The following CCSER1 variants were observed in gnomAD, a reference collection of about 807,000 sequenced individuals.
CCSER1 encodes the protein serine-rich coiled-coil domain-containing protein 1.
A neutral mutation model predicts 82.0 loss-of-function variants in CCSER1; 41 were observed. The ratio of observed to expected loss-of-function variants is 0.50; its 90% CI spans 0.39 to 0.65. The LOEUF is 0.65. CCSER1 is among the 30% of genes least tolerant of loss of function. The pLI is 0.00. For synonymous variants in CCSER1, 414 were observed against 383.9 expected (o/e 1.08, Z -0.92); for missense variants, 1,119 against 1,064.2 (o/e 1.05, Z -0.72).
chr4:91,290,958 G>T (rs115988738), intron 10 of CCSER1, among the ~76,000 whole-genome samples: 2,304 of 151,686 alleles, frequency 0.015, 61 homozygotes, highest in African/African-American at 0.053. Flanking sequence ...GAGCTAACTA[G>T]TAAATTAAGT....
intron 6 of CCSER1, among the ~76,000 whole-genome samples, chr4:90,689,468 T>C (rs75338470): frequency 1.3e-5 from 2 of 152,178 alleles, no homozygotes; most frequent in Non-Finnish European, 2.9e-5. Flanking sequence ...CTCGTTGATA[T>C]AGATAAAATT....
chr4:91,257,346 T>C (rs561421908), intron 10 of CCSER1, among the ~76,000 whole-genome samples: 2 of 152,238 alleles, frequency 1.3e-5, no homozygotes, highest in Admixed American at 6.5e-5. Flanking sequence ...GTTCAGACAG[T>C]AATTAATCCT....
At chr4:90,890,043 T>C (rs1722736075) in intron 8 of CCSER1, among the ~76,000 whole-genome samples, 1 of 152,144 alleles carries the variant, frequency 6.6e-6, no homozygotes, top group Admixed American at 6.6e-5. Context: ...TTTTGTTGAA[T>C]AGCAAAAATC....
intron 1 of CCSER1, among the ~76,000 whole-genome samples, chr4:90,305,663 T>G (rs75045627): frequency 0.032 from 4,807 of 152,286 alleles, 198 homozygotes; most frequent in African/African-American, 0.096. Flanking sequence ...TTTTGGAGTG[T>G]TTCACATATA....
At chr4:91,443,259 G>C (rs973117478) in intron 10 of CCSER1, among the ~76,000 whole-genome samples, 2 of 152,078 alleles carry the variant, frequency 1.3e-5, no homozygotes, top group African/African-American at 4.8e-5. Context: ...TTAAGAAAAT[G>C]TGGCACATAT....
intron 9 of CCSER1, among the ~76,000 whole-genome samples, chr4:90,972,283 A>G (rs1027952467): frequency 4.6e-5 from 7 of 151,904 alleles, no homozygotes; most frequent in Non-Finnish European, 1.0e-4. Context: ...AATTCAATAA[A>G]GTAACAGGAT....
At chr4:90,984,842 T>G (rs958698552) in intron 9 of CCSER1, among the ~76,000 whole-genome samples, 1 of 151,844 alleles carries the variant, frequency 6.6e-6, no homozygotes, top group Non-Finnish European at 1.5e-5. Context: ...TCAGACTTAG[T>G]ATCTTAGTGA....
At chr4:91,384,755 C>T (rs1439089690) in intron 10 of CCSER1, among the ~76,000 whole-genome samples, 1 of 151,852 alleles carries the variant, frequency 6.6e-6, no homozygotes, top group Non-Finnish European at 1.5e-5. Flanking sequence ...ACAAAGTGCA[C>T]CGTAGGCAAA....
intron 10 of CCSER1, among the ~76,000 whole-genome samples, chr4:91,119,054 C>T (rs1426154645): frequency 6.6e-6 from 1 of 152,276 alleles, no homozygotes; most frequent in Non-Finnish European, 1.5e-5. Flanking sequence ...AAGTTGCAAT[C>T]TGCAGTTTTG....
intron 10 of CCSER1, among the ~76,000 whole-genome samples, chr4:91,105,623 G>T (rs1725537025): frequency 6.6e-6 from 1 of 152,122 alleles, no homozygotes; most frequent in Non-Finnish European, 1.5e-5. Flanking sequence ...GGAATCGCTT[G>T]AACCTGGGAG....
At chr4:90,515,050 G>A (rs1218258382) in intron 5 of CCSER1, among the ~76,000 whole-genome samples, 1 of 151,846 alleles carries the variant, frequency 6.6e-6, no homozygotes, top group Non-Finnish European at 1.5e-5. Flanking sequence ...TAGAGATGGG[G>A]TTTCACCATG....
chr4:91,348,930 A>T (rs542408864), intron 10 of CCSER1, among the ~76,000 whole-genome samples: 94 of 152,056 alleles, frequency 6.2e-4, no homozygotes, highest in Middle Eastern at 3.4e-3. Context: ...TATTTTTGAG[A>T]CGGAGTCTCA....
intron 3 of CCSER1, among the ~76,000 whole-genome samples, chr4:90,336,072 CAT>C (rs1199943516): frequency 2.0e-5 from 3 of 152,288 alleles, no homozygotes; most frequent in Middle Eastern, 3.4e-3. Flanking sequence ...GCATAAATCA[CAT>C]GTCTGAAAAC....
At chr4:90,463,885 A>C (rs1763289384) in intron 4 of CCSER1, among the ~76,000 whole-genome samples, 1 of 152,254 alleles carries the variant, frequency 6.6e-6, no homozygotes, top group Admixed American at 6.5e-5. Context: ...TGCGAAATTT[A>C]TTAAAATATA....
At chr4:90,967,933 G>A (rs1221792205) in intron 9 of CCSER1, among the ~76,000 whole-genome samples, 1 of 152,040 alleles carries the variant, frequency 6.6e-6, no homozygotes, top group Non-Finnish European at 1.5e-5. Flanking sequence ...TACTTTATCA[G>A]CATCACCCCT....
intron 3 of CCSER1, among the ~76,000 whole-genome samples, chr4:90,318,669 T>A (rs1736590208): frequency 6.6e-6 from 1 of 152,224 alleles, no homozygotes; most frequent in African/African-American, 2.4e-5. Flanking sequence ...TAGAATAATA[T>A]GACTGTACCC....
At chr4:90,139,915 T>TG (rs756252315) in intron 1 of CCSER1, among the ~76,000 whole-genome samples, 1 of 152,238 alleles carries the variant, frequency 6.6e-6, no homozygotes. Context: ...GCTGAGATCA[T>TG]GCCACTTGCA....
At chr4:91,362,695 G>A (rs1407345863) in intron 10 of CCSER1, among the ~76,000 whole-genome samples, 2 of 151,720 alleles carry the variant, frequency 1.3e-5, no homozygotes, top group African/African-American at 4.8e-5. Context: ...ATGCAGAGCC[G>A]TGAATACATT....
At chr4:90,408,409 C>T (rs573391271) in intron 4 of CCSER1, among the ~76,000 whole-genome samples, 24 of 152,170 alleles carry the variant, frequency 1.6e-4, no homozygotes, top group Admixed American at 4.6e-4. Context: ...ACACCTCACA[C>T]GGCCGGATAC....
Sources: allele counts gnomAD v4.1 joint callset (sites outside exome capture counted in the v4.1 genomes callset), GRCh38; gene constraint gnomAD v4.1.1; transcripts MANE v1.5; gene names NCBI Gene and HGNC (gene_info 2026-07-23, HGNC 2026-07-21).